Variants in FUT9 observed in about 807,000 individuals in gnomAD.
FUT9 encodes the protein 4-galactosyl-N-acetylglucosaminide 3-alpha-L-fucosyltransferase 9.
A neutral mutation model predicts 29.7 loss-of-function variants in FUT9; 15 were observed. That is an observed-to-expected ratio of 0.51 (90% CI 0.34 to 0.78). The LOEUF is 0.78. FUT9 is among the 30% of genes least tolerant of loss of function. FUT9 has a pLI of 0.01. For missense variants in FUT9, 319 were observed against 425.4 expected, an observed-to-expected ratio of 0.75 and a Z score of 2.20; for synonymous variants, 169 against 153.7, an observed-to-expected ratio of 1.10 and a Z score of -0.74.
chr6:96,166,943 T>C lies in FUT9; in HGVS notation c.-8-36205T>C, dbSNP rs145670854. On this transcript the variant is annotated intron_variant, in intron 2 of 2. Transcript: ENST00000302103. ...GGGAATAATGATAAGGAAAAAAAGT[T>C]TGTAGATGTTCATTCAGTACAGATG... Among the ~76,000 whole-genome samples the C allele has an allele frequency of 3.5e-3, 526 of 152,248 alleles. 2 individuals are homozygous for C. The highest frequency in any genetic ancestry group is 0.011 in the African/African-American group (469 of 41,532).
At chr6:96,137,409 T>A (rs567027039) in intron 2 of FUT9, among the ~76,000 whole-genome samples, 322 of 152,194 alleles carry the variant, frequency 2.1e-3, no homozygotes, top group Non-Finnish European at 3.5e-3. Flanking sequence ...TACAGAAGAA[T>A]TCCCAACAAG....
chr6:96,093,276 T>A (rs1771442006), intron 1 of FUT9, among the ~76,000 whole-genome samples: 1 of 152,204 alleles, frequency 6.6e-6, no homozygotes, highest in East Asian at 1.9e-4. Flanking sequence ...AATTGGTGAA[T>A]GAATTGGCAA....
chr6:96,106,944 T>C (rs1484352476), intron 1 of FUT9, among the ~76,000 whole-genome samples: 1 of 152,214 alleles, frequency 6.6e-6, no homozygotes, highest in Non-Finnish European at 1.5e-5. Context: ...TTTGGTAAAC[T>C]ACAGCACTTT....
In FUT9 at chr6:96,203,728, G is replaced by A; in HGVS notation, c.573G>A (p.Trp191Ter). Residue 191 changes from tryptophan (W) to a stop codon, truncating the protein, a stop_gained, in exon 3 of 3, where the codon TGG becomes TGA. Coordinates refer to ENST00000302103, the MANE Select transcript of FUT9 (RefSeq NM_006581.4). LOFTEE classifies it high-confidence loss of function. ...EVPSKEKLVC[W>*]VVSNWNPEHA... ...CAAGCAAAGAGAAATTGGTGTGCTG[G>A]GTTGTGAGTAACTGGAACCCTGAGC... 2 of 1,614,028 alleles carry A rather than the reference G, an allele frequency of 1.2e-6. No individual in the cohort carries two copies. The highest frequency in any genetic ancestry group is 1.3e-5 in the African/African-American group (1 of 75,006).
chr6:96,189,112 G>A (rs1436121624), intron 2 of FUT9, among the ~76,000 whole-genome samples: 4 of 152,066 alleles, frequency 2.6e-5, no homozygotes, highest in Non-Finnish European at 5.9e-5. Context: ...ACTGTTCGGG[G>A]AAGGTTGGGA....
intron 1 of FUT9, among the ~76,000 whole-genome samples, chr6:96,023,036 A>T (rs546316874): frequency 1.1e-4 from 16 of 152,032 alleles, no homozygotes; most frequent in Non-Finnish European, 4.4e-5. Flanking sequence ...TATAGAGAGA[A>T]GGCCACAGCC....
intron 2 of FUT9, among the ~76,000 whole-genome samples, chr6:96,151,464 C>T (rs554517698): frequency 1.3e-5 from 2 of 152,116 alleles, no homozygotes; most frequent in Non-Finnish European, 2.9e-5. Flanking sequence ...GTTATCAGGC[C>T]AAATGCAGAC....
chr6:96,026,946 T>C (rs1448491468), intron 1 of FUT9, among the ~76,000 whole-genome samples: 1 of 151,688 alleles, frequency 6.6e-6, no homozygotes, highest in Non-Finnish European at 1.5e-5. Flanking sequence ...TAAATGCTAG[T>C]AGAGATGAAC....
chr6:96,128,537 G>A (rs1486609133), intron 2 of FUT9, among the ~76,000 whole-genome samples: 1 of 151,988 alleles, frequency 6.6e-6, no homozygotes, highest in Non-Finnish European at 1.5e-5. Context: ...GACCCTTTTG[G>A]ATAACATACT....
At chr6:96,081,193 A>G (rs571779159) in intron 1 of FUT9, among the ~76,000 whole-genome samples, 1 of 152,052 alleles carries the variant, frequency 6.6e-6, no homozygotes, top group South Asian at 2.1e-4. Context: ...ATTTAACATC[A>G]TAAATAAAAC....
At chr6:96,068,641 T>C (rs1436538172) in intron 1 of FUT9, among the ~76,000 whole-genome samples, 1 of 152,224 alleles carries the variant, frequency 6.6e-6, no homozygotes, top group African/African-American at 2.4e-5. Context: ...GCAGTTTAAG[T>C]AGTGTTAGGT....
rs748023596 is a variant in FUT9, at chr6:96,203,189, T to A, written c.34T>A (p.Phe12Ile). 9.4e-6 allele frequency: 15 copies of A among 1,601,712 alleles called. No individual in the cohort carries two copies. Among genetic ancestry groups the A allele is most frequent in the Non-Finnish European group, 5.1e-6 (6 of 1,171,054 alleles). Residue 12 changes from phenylalanine (F) to isoleucine (I), a missense_variant, in exon 3 of 3, where the codon TTT (phenylalanine) becomes ATT (isoleucine). Transcript: ENST00000302103. Reference sequence around the variant, plus strand: ...AACATCCAAAGGAATTCTTCGCCCATTTTTAATTGTCTGCATTATCCTGGG... The same window carrying A: ...AACATCCAAAGGAATTCTTCGCCCAATTTTAATTGTCTGCATTATCCTGGG... The part of the protein sequence containing the change: ...TSTSKGILRP[F>I]LIVCIILGCF...
intron 1 of FUT9, among the ~76,000 whole-genome samples, chr6:96,035,031 T>C (rs1422864204): frequency 6.6e-6 from 1 of 151,718 alleles, no homozygotes; most frequent in African/African-American, 2.4e-5. Flanking sequence ...AAAGCTCTGA[T>C]AAAAGAGGGA....
At chr6:96,032,969 G>A (rs1582182215) in intron 1 of FUT9, among the ~76,000 whole-genome samples, 3 of 151,728 alleles carry the variant, frequency 2.0e-5, no homozygotes, top group African/African-American at 2.4e-5. Context: ...GTTCAACTCG[G>A]CATGACGGTT....
Position 96,054,383 on chromosome 6 carries a change from G to A in FUT9, c.-98+38171G>A, listed in dbSNP as rs549420975. Among the ~76,000 whole-genome samples the A allele has an allele frequency of 2.0e-5, 3 of 152,278 alleles. No individual in the cohort carries two copies. The East Asian group carries it at 5.8e-4, about 29-fold the overall frequency. ...AAGTCCACATGCTAGTGTGTAATGT[G>A]AAATATGCTCTATAGAATTCATTTA... is the stretch of plus-strand genomic sequence containing the variant. On this transcript the variant is annotated intron_variant, in intron 1 of 2. Coordinates refer to ENST00000302103, the MANE Select transcript of FUT9 (RefSeq NM_006581.4).
chr6:96,198,654 A>T (rs556794002), intron 2 of FUT9, among the ~76,000 whole-genome samples: 2 of 152,294 alleles, frequency 1.3e-5, no homozygotes, highest in African/African-American at 4.8e-5. Flanking sequence ...GGCTGGGTCA[A>T]ATGGTATTTC....
chr6:96,197,500 G>A (rs1582304011), intron 2 of FUT9, among the ~76,000 whole-genome samples: 1 of 152,140 alleles, frequency 6.6e-6, no homozygotes, highest in South Asian at 2.1e-4. Context: ...TTCATTTCTT[G>A]TCTTTGGAGT....
intron 2 of FUT9, among the ~76,000 whole-genome samples, chr6:96,185,971 A>T (rs1156569570): frequency 6.6e-6 from 1 of 152,054 alleles, no homozygotes; most frequent in African/African-American, 2.4e-5. Flanking sequence ...AAGGTTCGAG[A>T]AATTTGTCTC....
chr6:96,132,881 G>A (rs1772273479), intron 2 of FUT9, among the ~76,000 whole-genome samples: 1 of 151,974 alleles, frequency 6.6e-6, no homozygotes, highest in Admixed American at 6.6e-5. Context: ...TACACAAAAA[G>A]CATATTATTC....
Sources: gnomAD v4.1 joint callset for allele counts (sites outside exome capture counted in the v4.1 genomes callset) on GRCh38, gnomAD v4.1.1 for gene constraint, MANE v1.5 for transcripts, NCBI Gene and HGNC (gene_info 2026-07-23, HGNC 2026-07-21) for gene names.